CTDSPL2: variants seen among roughly 807,000 people sequenced by gnomAD.
CTDSPL2 encodes CTD small phosphatase like 2, also known as CTD small phosphatase-like protein 2.
In CTDSPL2, 5 loss-of-function variants were observed where a neutral mutation model predicts 60.0. That is an observed-to-expected ratio of 0.08 (90% confidence interval 0.04 to 0.18). CTDSPL2 has a LOEUF of 0.18. Ranked by LOEUF, CTDSPL2 falls within the 10% of genes least tolerant of loss-of-function variation. The pLI, the probability that CTDSPL2 is intolerant of heterozygous loss-of-function variation, is 1.00. For missense variants in CTDSPL2, 370 were observed against 548.8 expected (o/e 0.67, Z 3.26); for synonymous variants, 186 against 189.3 (o/e 0.98, Z 0.14).
intron 8 of CTDSPL2, among the ~76,000 whole-genome samples, chr15:44,501,549 T>C (rs1456948223): frequency 6.6e-6 from 1 of 152,162 alleles, no homozygotes; most frequent in East Asian, 1.9e-4. Flanking sequence ...AAAAAGCTTC[T>C]AGCAGCATAT....
intron 2 of CTDSPL2, among the ~76,000 whole-genome samples, chr15:44,477,626 C>T (rs376013123): frequency 2.0e-5 from 3 of 151,874 alleles, no homozygotes; most frequent in Admixed American, 6.6e-5. Context: ...CACCTGAGGT[C>T]GGGAGTTCAA....
At chr15:44,455,868 T>TG (rs2080426475) in intron 1 of CTDSPL2, among the ~76,000 whole-genome samples, 1 of 135,604 alleles carries the variant, frequency 7.4e-6, no homozygotes, top group Non-Finnish European at 1.5e-5. Flanking sequence ...TTTTTTTTTT[T>TG]TGAGACGGAG....
At chr15:44,444,329 AC>A (rs2080156607) in intron 1 of CTDSPL2, among the ~76,000 whole-genome samples, 1 of 151,494 alleles carries the variant, frequency 6.6e-6, no homozygotes, top group Admixed American at 6.6e-5. Context: ...ACACACACAC[AC>A]ACACACACAC....
chr15:44,520,022 C>T (rs2081734734), intron 11 of CTDSPL2: 1 of 152,072 alleles, frequency 6.6e-6, no homozygotes, highest in South Asian at 2.1e-4. Flanking sequence ...GATCGCCTGC[C>T]TCAGCCTCCC....
chr15:44,519,100 A>G (rs1329361464), intron 10 of CTDSPL2, 69 bp from the exon 11 acceptor site: 2 of 1,037,782 alleles, frequency 1.9e-6, no homozygotes, highest in Non-Finnish European at 2.6e-6. Flanking sequence ...TATGGTGTAT[A>G]TATATGTGTA....
At chr15:44,495,879 T>C (rs890131963) in intron 5 of CTDSPL2, among the ~76,000 whole-genome samples, 7 of 151,616 alleles carry the variant, frequency 4.6e-5, no homozygotes, top group African/African-American at 1.7e-4. Context: ...TTGCAGTGAG[T>C]TGAGATCATG....
intron 5 of CTDSPL2, among the ~76,000 whole-genome samples, chr15:44,494,637 C>T (rs1342249136): frequency 1.3e-5 from 2 of 150,960 alleles, no homozygotes; most frequent in Non-Finnish European, 3.0e-5. Flanking sequence ...TGGCTGGATG[C>T]AGTGGCTCAT....
In CTDSPL2 at chr15:44,525,329, T is replaced by G. The variant is rs1259521260; in HGVS notation, c.*1155T>G. ...CAGTTAATATGCTCTCATAGTGGTTTTTCTATGCTATATGAAAATAGTCTT... is the reference window on the plus strand; with the variant it reads ...CAGTTAATATGCTCTCATAGTGGTTGTTCTATGCTATATGAAAATAGTCTT... On this transcript the variant is annotated 3_prime_UTR_variant, in exon 13 of 13. Transcript: ENST00000260327. The G allele has an allele frequency of 1.0e-5, 4 of 398,492 alleles. No individual in the cohort carries two copies. Among genetic ancestry groups the G allele is most frequent in the Admixed American group, 4.4e-5 (1 of 22,708 alleles). 24.7% of individuals were successfully genotyped at this position (398,492 alleles called of 1,614,324 possible).
chr15:44,490,560 G>A (rs923542701), intron 4 of CTDSPL2, among the ~76,000 whole-genome samples: 19 of 152,252 alleles, frequency 1.2e-4, no homozygotes, highest in African/African-American at 4.3e-4. Flanking sequence ...TTGCACACAT[G>A]ACTAGGATGC....
At chr15:44,456,328 A>G (rs1009583805) in intron 1 of CTDSPL2, among the ~76,000 whole-genome samples, 7 of 152,142 alleles carry the variant, frequency 4.6e-5, no homozygotes, top group African/African-American at 1.7e-4. Context: ...ACCAGCTCCT[A>G]CTTGTACCTC....
intron 10 of CTDSPL2, among the ~76,000 whole-genome samples, chr15:44,515,483 A>T (rs545703906): frequency 6.6e-6 from 1 of 152,306 alleles, no homozygotes; most frequent in South Asian, 2.1e-4. Context: ...TGAGATAGTA[A>T]GACTGCAGCA....
chr15:44,494,008 C>G (rs2081258027), intron 5 of CTDSPL2, among the ~76,000 whole-genome samples: 1 of 152,092 alleles, frequency 6.6e-6, no homozygotes, highest in South Asian at 2.1e-4. Context: ...GATAATTGCA[C>G]AAAAGATTAA....
At chr15:44,491,859 C>A (rs1449068858) in intron 5 of CTDSPL2, among the ~76,000 whole-genome samples, 1 of 152,016 alleles carries the variant, frequency 6.6e-6, no homozygotes, top group African/African-American at 2.4e-5. Context: ...CCAGCCTGGG[C>A]AAAAGAGCCA....
chr15:44,488,726 G>T (rs2081164264), intron 4 of CTDSPL2, among the ~76,000 whole-genome samples: 1 of 152,166 alleles, frequency 6.6e-6, no homozygotes, highest in Non-Finnish European at 1.5e-5. Context: ...GGCTGAGGCA[G>T]GAGAATTGCT....
chr15:44,486,247 A>G (rs965212063), intron 3 of CTDSPL2, among the ~76,000 whole-genome samples: 5 of 152,222 alleles, frequency 3.3e-5, no homozygotes, highest in Admixed American at 2.0e-4. Context: ...TTGTTTACAA[A>G]GAATTTTCTT....
At chr15:44,444,595 C>G (rs2141292934) in intron 1 of CTDSPL2, among the ~76,000 whole-genome samples, 1 of 152,142 alleles carries the variant, frequency 6.6e-6, no homozygotes, top group Non-Finnish European at 1.5e-5. Context: ...ATCTACCCTC[C>G]TTGGCCTCCC....
chr15:44,461,573 C>CT (rs35540014), intron 2 of CTDSPL2, among the ~76,000 whole-genome samples: 1,613 of 125,656 alleles, frequency 0.013, 10 homozygotes, highest in Non-Finnish European at 0.018. Context: ...GTTTCTCTCC[C>CT]TTTTTTTTTT....
At chr15:44,460,041 G>A (rs999355524) in intron 2 of CTDSPL2, among the ~76,000 whole-genome samples, 3 of 152,116 alleles carry the variant, frequency 2.0e-5, no homozygotes, top group East Asian at 1.9e-4. Context: ...CAACTGCTTC[G>A]TCTATCTCAG....
chr15:44,495,305 G>A (rs777436720), intron 5 of CTDSPL2, among the ~76,000 whole-genome samples: 2 of 152,100 alleles, frequency 1.3e-5, no homozygotes, highest in Non-Finnish European at 2.9e-5. Flanking sequence ...AGTCGTGGCC[G>A]GGTGCGGTGG....
Sources: allele counts gnomAD v4.1 joint callset (sites outside exome capture counted in the v4.1 genomes callset), GRCh38; gene constraint gnomAD v4.1.1; transcripts MANE v1.5; gene names NCBI Gene and HGNC (gene_info 2026-07-23, HGNC 2026-07-21).